The following LONRF1 variants were observed in gnomAD, a reference collection of about 807,000 sequenced individuals.
The protein encoded by LONRF1 is LON peptidase N-terminal domain and ring finger 1, also known as LON peptidase N-terminal domain and RING finger protein 1.
In LONRF1, 37 loss-of-function variants were observed where a neutral mutation model predicts 85.8. That is an observed-to-expected ratio of 0.43 (90% CI 0.33 to 0.57). LONRF1 has a LOEUF of 0.57. Ranked by LOEUF, LONRF1 falls within the 20% of genes least tolerant of loss-of-function variation. The pLI, the probability that LONRF1 is intolerant of heterozygous loss-of-function variation, is 0.04. For missense variants in LONRF1, 1,036 were observed against 978.0 expected, an observed-to-expected ratio of 1.06 and a Z score of -0.79; for synonymous variants, 517 against 390.1, an observed-to-expected ratio of 1.33 and a Z score of -3.83.
chr8:12,727,620 A>C (rs1399299199), intron 10 of LONRF1, among the ~76,000 whole-genome samples: 1 of 152,190 alleles, frequency 6.6e-6, no homozygotes, highest in Non-Finnish European at 1.5e-5. Context: ...ATTTAGCCAT[A>C]TACTCAAGTG....
In LONRF1 at chr8:12,754,790, G is replaced by C; in HGVS notation, c.631C>G (p.Arg211Gly). ...AEKWFPGQRE[R>G]ARAAGRLGEL... ...CCGAGCCTGCCGGCCGCCCGGGCCC[G>C]CTCGCGCTGGCCCGGAAACCACTTC... The change falls in exon 1 of 12, where the codon CGG becomes GGG. Residue 211 changes from arginine (R) to glycine (G), a missense_variant. Transcript: ENST00000398246. The C allele has an allele frequency of 6.8e-7, 1 of 1,460,574 alleles. No homozygotes were observed. The highest frequency in any genetic ancestry group is 3.1e-5 in the East Asian group (1 of 32,222). 90.5% of individuals were successfully genotyped at this position (1,460,574 alleles called of 1,614,324 possible).
chr8:12,740,549 A>G (rs1034226508), intron 3 of LONRF1, among the ~76,000 whole-genome samples: 1 of 152,160 alleles, frequency 6.6e-6, no homozygotes, highest in Non-Finnish European at 1.5e-5. Context: ...TAAAAGGCAA[A>G]AGGCAGGTCA....
chr8:12,754,036 C>CGTCCCAA (rs1554470208), intron 1 of LONRF1: 1 of 152,290 alleles, frequency 6.6e-6, no homozygotes, highest in East Asian at 1.9e-4. Flanking sequence ...TGGGCAGCTC[C>CGTCCCAA]GCCCCAAGCC....
chr8:12,752,371 T>G (rs1304008839), intron 1 of LONRF1, among the ~76,000 whole-genome samples: 1 of 152,196 alleles, frequency 6.6e-6, no homozygotes, highest in Admixed American at 6.5e-5. Flanking sequence ...CCAACTCTAA[T>G]TTGTTAGCTC....
chr8:12,751,551 C>A (rs1464988211), intron 1 of LONRF1, among the ~76,000 whole-genome samples: 2 of 151,468 alleles, frequency 1.3e-5, no homozygotes, highest in Non-Finnish European at 2.9e-5. Context: ...GCGATCCGCC[C>A]GCCTCGGTCT....
Position 12,723,259 on chromosome 8 carries a change from A to G in LONRF1, c.2164-5T>C. 1 of 1,604,088 alleles carries G rather than the reference A, an allele frequency of 6.2e-7. No individual in the cohort carries two copies. The highest frequency in any genetic ancestry group is 8.5e-7 in the Non-Finnish European group (1 of 1,177,108). ...TGCAGGTCCATTAGGGGCTGCCTAAAAACAATGGACAGTTTATAGCATTAA... is the reference window on the plus strand; with the variant it reads ...TGCAGGTCCATTAGGGGCTGCCTAAGAACAATGGACAGTTTATAGCATTAA... On this transcript the variant is annotated splice_polypyrimidine_tract_variant and splice_region_variant and intron_variant, in intron 11 of 11. Coordinates refer to ENST00000398246, the MANE Select transcript of LONRF1 (RefSeq NM_152271.5).
intron 11 of LONRF1, among the ~76,000 whole-genome samples, chr8:12,724,906 A>G (rs904312006): frequency 1.3e-5 from 2 of 152,154 alleles, no homozygotes; most frequent in African/African-American, 4.8e-5. Flanking sequence ...ATGTAGACCA[A>G]CCCTTGAAAA....
At chr8:12,737,641 G>A (rs1300096140) in intron 4 of LONRF1, among the ~76,000 whole-genome samples, 1 of 152,084 alleles carries the variant, frequency 6.6e-6, no homozygotes, top group Non-Finnish European at 1.5e-5. Context: ...AGGGATGACT[G>A]TACTTACACA....
Position 12,737,034 on chromosome 8 carries a change from C to T in LONRF1, c.1220G>A (p.Cys407Tyr). 1.9e-6 allele frequency: 3 copies of T among 1,613,704 alleles called. No individual in the cohort carries two copies. Among genetic ancestry groups the T allele is most frequent in the Middle Eastern group, 1.7e-4 (1 of 6,056 alleles). ...NSTEMPAREDCLKRVSSEPVL... is the reference protein window; with the variant it reads ...NSTEMPAREDYLKRVSSEPVL... The stretch of plus-strand genomic sequence containing the variant: ...AGGTTCTGAGGACACTCTTTTTAAA[C>T]AGTCCTCTCTGGCAGGCATTTCTGT... Residue 407 changes from cysteine (C) to tyrosine (Y), a missense_variant, in exon 5 of 12, where the codon TGT (cysteine) becomes TAT (tyrosine). Transcript: ENST00000398246.
intron 1 of LONRF1, among the ~76,000 whole-genome samples, chr8:12,746,392 C>T (rs1358131650): frequency 6.6e-6 from 1 of 152,198 alleles, no homozygotes; most frequent in Admixed American, 6.5e-5. Context: ...CATTCTATTT[C>T]ATGCCTCATT....
intron 1 of LONRF1, chr8:12,754,472 C>T (rs909753434): frequency 3.1e-5 from 13 of 416,412 alleles, no homozygotes; most frequent in Admixed American, 4.8e-5. Flanking sequence ...CGCCCCTCCC[C>T]GCGCCGCGTC....
At chr8:12,748,032 T>A (rs1799234465) in intron 1 of LONRF1, among the ~76,000 whole-genome samples, 1 of 152,230 alleles carries the variant, frequency 6.6e-6, no homozygotes. Flanking sequence ...TTTTTAATAG[T>A]TGCAAAATAT....
chr8:12,754,251 A>C, intron 1 of LONRF1: 1 of 154,126 alleles, frequency 6.5e-6, no homozygotes, highest in Non-Finnish European at 1.4e-5. Context: ...CTCGCGGGGG[A>C]TTCTCTCCCC....
intron 4 of LONRF1, 44 bp from the exon 5 acceptor site, chr8:12,737,184 T>C: frequency 6.3e-7 from 1 of 1,590,498 alleles, no homozygotes; most frequent in Non-Finnish European, 8.6e-7. Flanking sequence ...TTCTTTACTA[T>C]CCTTTATTCC....
intron 1 of LONRF1, chr8:12,753,495 G>A (rs1563163247): frequency 6.6e-6 from 1 of 152,160 alleles, no homozygotes. Flanking sequence ...ATAATTCTTT[G>A]TTGTGGGAAT....
chr8:12,737,473 T>C (rs372802235), intron 4 of LONRF1: 2 of 413,772 alleles, frequency 4.8e-6, no homozygotes, highest in African/African-American at 4.1e-5. Flanking sequence ...TTACATTGTA[T>C]TAGGTATTAT....
At chr8:12,739,355 AAAAAC>A (rs1440530245) in intron 3 of LONRF1, among the ~76,000 whole-genome samples, 1 of 151,720 alleles carries the variant, frequency 6.6e-6, no homozygotes, top group Non-Finnish European at 1.5e-5. Context: ...AAAAAAAAAA[AAAAAC>A]AAACCCAGAC....
intron 1 of LONRF1, among the ~76,000 whole-genome samples, chr8:12,746,281 C>T (rs1799149981): frequency 6.6e-6 from 1 of 152,156 alleles, no homozygotes; most frequent in Admixed American, 6.5e-5. Flanking sequence ...TCCTCCATGC[C>T]TGGCTCCTGC....
In LONRF1 at chr8:12,751,759, G is replaced by A. The variant is rs1799416767; in HGVS notation, c.721+2941C>T. On this transcript the variant is annotated intron_variant, in intron 1 of 11. Transcript: ENST00000398246. ...TGTTGTCTTCCTCTGGGGGAGAGGT[G>A]AACACACGAAGGAGATAAGTCAGTG... 2.0e-5 allele frequency among the ~76,000 whole-genome samples: 3 copies of A among 150,336 alleles called. No homozygotes were observed. The South Asian group carries it at 6.3e-4, about 32-fold the overall frequency.
Sources: gnomAD v4.1 joint callset for allele counts (sites outside exome capture counted in the v4.1 genomes callset) on GRCh38, gnomAD v4.1.1 for gene constraint, MANE v1.5 for transcripts, NCBI Gene and HGNC (gene_info 2026-07-23, HGNC 2026-07-21) for gene names.